EDIL3: variants seen among roughly 807,000 people sequenced by gnomAD.
The protein encoded by EDIL3 is EGF-like repeat and discoidin I-like domain-containing protein 3.
In EDIL3, 37 loss-of-function variants were observed where a neutral mutation model predicts 67.4. The ratio of observed to expected loss-of-function variants is 0.55; its 90% CI spans 0.42 to 0.72. The LOEUF (loss-of-function observed/expected upper bound fraction) is 0.72. EDIL3 is among the 30% of genes least tolerant of loss of function. EDIL3 has a pLI of 0.00. For missense variants in EDIL3, 527 were observed against 586.3 expected (o/e 0.90, Z 1.04); for synonymous variants, 195 against 196.3 (o/e 0.99, Z 0.05).
chr5:84,124,256 C>T (rs114429703), intron 5 of EDIL3, among the ~76,000 whole-genome samples: 427 of 151,932 alleles, frequency 2.8e-3, no homozygotes, highest in African/African-American at 4.3e-3. Context: ...AGGGAAGACA[C>T]GTTGTAGAAA....
At chr5:84,067,652 G>A (rs957767835) in intron 6 of EDIL3, among the ~76,000 whole-genome samples, 2 of 152,096 alleles carry the variant, frequency 1.3e-5, no homozygotes, top group African/African-American at 4.8e-5. Flanking sequence ...TTCCACTGTA[G>A]GAGGAGACTT....
intron 1 of EDIL3, among the ~76,000 whole-genome samples, chr5:84,294,277 C>T (rs554303850): frequency 2.0e-5 from 3 of 147,238 alleles, no homozygotes; most frequent in Admixed American, 7.0e-5. Context: ...CCCAGCTACT[C>T]GGGAGGCTGA....
chr5:84,190,106 A>T (rs1220207971), intron 3 of EDIL3, among the ~76,000 whole-genome samples: 1 of 151,872 alleles, frequency 6.6e-6, no homozygotes, highest in East Asian at 1.9e-4. Context: ...TAGATGGCAA[A>T]CCTATGGGCT....
At chr5:83,947,661 G>T (rs1351364456) in intron 10 of EDIL3, among the ~76,000 whole-genome samples, 2 of 151,690 alleles carry the variant, frequency 1.3e-5, no homozygotes, top group Admixed American at 6.6e-5. Flanking sequence ...CCTATTCATG[G>T]CATGCCTCAA....
intron 6 of EDIL3, among the ~76,000 whole-genome samples, chr5:84,086,602 T>A (rs9687843): frequency 0.37 from 55,926 of 151,912 alleles, 10,574 homozygotes; most frequent in Non-Finnish European, 0.4. Context: ...TATTCGGCCA[T>A]CTTGGCCCCT....
chr5:84,298,466 G>A (rs1746093332), intron 1 of EDIL3, among the ~76,000 whole-genome samples: 1 of 152,058 alleles, frequency 6.6e-6, no homozygotes, highest in Non-Finnish European at 1.5e-5. Flanking sequence ...ACACACACTG[G>A]GGCCTGTCAG....
At chr5:84,286,797 A>C (rs1008166713) in intron 1 of EDIL3, among the ~76,000 whole-genome samples, 2 of 152,124 alleles carry the variant, frequency 1.3e-5, no homozygotes, top group Non-Finnish European at 2.9e-5. Flanking sequence ...CTCAGGTTGG[A>C]ATCAATTAGG....
chr5:84,106,759 G>A lies in EDIL3; in HGVS notation c.541C>T (p.Arg181Ter), dbSNP rs773042526. 3.1e-6 allele frequency: 5 copies of A among 1,613,338 alleles called. No individual in the cohort carries two copies. The highest frequency in any genetic ancestry group is 1.1e-5 in the South Asian group (1 of 91,002). ...CATTTTTGGAGTCCAAAAAGAGCTCGGTGAGTAGAGGAAGCTGTGATTTGC... is the reference window on the plus strand; with the variant it reads ...CATTTTTGGAGTCCAAAAAGAGCTCAGTGAGTAGAGGAAGCTGTGATTTGC... Reference protein sequence around the residue: ...NQQITASSTHRALFGLQKWYP... With the variant: ...NQQITASSTH The change falls in exon 6 of 11, where the codon CGA (arginine) becomes TGA (stop). Residue 181 changes from arginine to a stop codon, truncating the protein, a stop_gained. Transcript: ENST00000296591. LOFTEE classifies it high-confidence loss of function.
intron 5 of EDIL3, among the ~76,000 whole-genome samples, chr5:84,127,805 CT>C (rs1451957480): frequency 6.6e-6 from 1 of 151,976 alleles, no homozygotes; most frequent in African/African-American, 2.4e-5. Context: ...ATACTTTTTA[CT>C]CTCTTACTTT....
intron 1 of EDIL3, among the ~76,000 whole-genome samples, chr5:84,361,127 C>T (rs1027467019): frequency 2.0e-5 from 3 of 151,946 alleles, no homozygotes; most frequent in East Asian, 3.9e-4. Flanking sequence ...GACAGACAAG[C>T]GATGGTTGTG....
At chr5:84,384,202 G>A in intron 1 of EDIL3, 106 bp downstream of exon 1, 1 of 1,398,466 alleles carries the variant, frequency 7.2e-7, no homozygotes, top group Non-Finnish European at 9.7e-7. Context: ...AGCGGCGCTC[G>A]CCACCCTTGG....
At chr5:84,113,458 T>A (rs915104648) in intron 5 of EDIL3, among the ~76,000 whole-genome samples, 2 of 152,128 alleles carry the variant, frequency 1.3e-5, no homozygotes, top group Non-Finnish European at 2.9e-5. Context: ...ACCTGGCAGG[T>A]TGAGCAGGAG....
chr5:84,236,855 G>A (rs567578996), intron 2 of EDIL3, among the ~76,000 whole-genome samples: 3 of 151,382 alleles, frequency 2.0e-5, no homozygotes, highest in Non-Finnish European at 4.4e-5. Flanking sequence ...CAAATAAAAC[G>A]AAGAAACTTG....
chr5:84,153,669 G>T (rs1198938892), intron 4 of EDIL3, among the ~76,000 whole-genome samples: 1 of 152,066 alleles, frequency 6.6e-6, no homozygotes, highest in African/African-American at 2.4e-5. Flanking sequence ...CACCATATTG[G>T]TCAGGCTGGT....
At position 83,943,134 on chromosome 5, in the gene EDIL3, T is replaced by C. The variant is rs994443090; in HGVS notation, c.*285A>G. ...AGAAGGCTACTTTCTTTCCCTAATA[T>C]ATTTCTACCAATGCGAATAATTCAG... is the stretch of plus-strand genomic sequence containing the variant. On this transcript the variant is annotated 3_prime_UTR_variant, in exon 11 of 11. Coordinates refer to ENST00000296591, the MANE Select transcript of EDIL3 (RefSeq NM_005711.5). 17 of 333,172 alleles carry C rather than the reference T, an allele frequency of 5.1e-5. No homozygotes were observed. The highest frequency in any genetic ancestry group is 1.8e-3 in the Middle Eastern group (2 of 1,096). The allele number at this position is 333,172 out of a possible 1,614,324, so 20.6% of individuals were successfully genotyped here.
chr5:84,073,254 A>G (rs1270899112), intron 6 of EDIL3, among the ~76,000 whole-genome samples: 1 of 152,208 alleles, frequency 6.6e-6, no homozygotes, highest in Non-Finnish European at 1.5e-5. Flanking sequence ...TGAATGGGCA[A>G]AAACTGGAAG....
intron 1 of EDIL3, among the ~76,000 whole-genome samples, chr5:84,334,830 A>G (rs1746953256): frequency 6.6e-6 from 1 of 152,298 alleles, no homozygotes; most frequent in Admixed American, 6.5e-5. Flanking sequence ...CTTTCTAAAT[A>G]AACATTGATG....
intron 4 of EDIL3, among the ~76,000 whole-genome samples, chr5:84,154,206 A>G (rs1357539551): frequency 6.6e-6 from 1 of 152,176 alleles, no homozygotes; most frequent in African/African-American, 2.4e-5. Context: ...TCCAAACCCA[A>G]AGTTAAGGGG....
intron 1 of EDIL3, among the ~76,000 whole-genome samples, chr5:84,350,331 T>C (rs1036112441): frequency 1.3e-5 from 2 of 152,078 alleles, no homozygotes; most frequent in African/African-American, 2.4e-5. Flanking sequence ...GGCTACTTCA[T>C]ACAATTTTAA....
Sources: allele counts gnomAD v4.1 joint callset (sites outside exome capture counted in the v4.1 genomes callset), GRCh38; gene constraint gnomAD v4.1.1; transcripts MANE v1.5; gene names NCBI Gene and HGNC (gene_info 2026-07-23, HGNC 2026-07-21).